Variants in FER observed in about 807,000 individuals in gnomAD.
The protein encoded by FER is FER tyrosine kinase, also known as tyrosine-protein kinase Fer.
FER carries 63 observed loss-of-function variants against 111.0 expected under a neutral mutation model. The observed-to-expected ratio is 0.57, with a 90% CI of 0.46 to 0.70. The LOEUF is 0.70. FER is among the 30% of genes least tolerant of loss of function. FER has a pLI of 0.00. For missense variants in FER, 914 were observed against 954.0 expected, an observed-to-expected ratio of 0.96 and a Z score of 0.55; for synonymous variants, 327 against 313.9, an observed-to-expected ratio of 1.04 and a Z score of -0.44.
intron 17 of FER, among the ~76,000 whole-genome samples, chr5:109,158,290 G>A (rs563716323): frequency 7.9e-5 from 12 of 152,158 alleles, no homozygotes; most frequent in East Asian, 1.9e-4. Context: ...GTCAGAAGTC[G>A]GGGTCGGGGC....
chr5:109,176,602 T>C (rs1757717575), intron 17 of FER, among the ~76,000 whole-genome samples: 1 of 152,178 alleles, frequency 6.6e-6, no homozygotes, highest in African/African-American at 2.4e-5. Context: ...TATTCTATAT[T>C]CTCAAGAAGG....
intron 10 of FER, among the ~76,000 whole-genome samples, chr5:108,919,416 G>A (rs1473987883): frequency 6.6e-6 from 1 of 151,858 alleles, no homozygotes; most frequent in African/African-American, 2.4e-5. Flanking sequence ...AGTTTATTTA[G>A]TAGCTATTAA....
chr5:109,153,563 G>T (rs538692140), intron 17 of FER, among the ~76,000 whole-genome samples: 1 of 151,814 alleles, frequency 6.6e-6, no homozygotes, highest in Admixed American at 6.6e-5. Context: ...GGAAGAGTGA[G>T]CACCAGAATC....
At chr5:109,121,898 A>G (rs1003208993) in intron 17 of FER, among the ~76,000 whole-genome samples, 6 of 152,162 alleles carry the variant, frequency 3.9e-5, no homozygotes, top group African/African-American at 1.4e-4. Flanking sequence ...TCCTCATAGT[A>G]GCCGCTAATG....
intron 13 of FER, among the ~76,000 whole-genome samples, chr5:108,997,964 C>G (rs1225397891): frequency 6.6e-6 from 1 of 151,982 alleles, no homozygotes; most frequent in Non-Finnish European, 1.5e-5. Flanking sequence ...CAAGCTTCAG[C>G]AATGGTGGAC....
intron 5 of FER, among the ~76,000 whole-genome samples, chr5:108,866,495 T>C (rs1323383754): frequency 6.6e-6 from 1 of 151,860 alleles, no homozygotes; most frequent in Admixed American, 6.6e-5. Flanking sequence ...AAATGACAAG[T>C]TAATGGGTGC....
At chr5:108,840,370 C>T (rs945307057) in intron 5 of FER, among the ~76,000 whole-genome samples, 1 of 152,084 alleles carries the variant, frequency 6.6e-6, no homozygotes, top group Admixed American at 6.6e-5. Context: ...TACTTTTGCA[C>T]CAATCTAATA....
intron 13 of FER, among the ~76,000 whole-genome samples, chr5:108,985,558 C>G (rs1435512154): frequency 1.3e-5 from 2 of 152,020 alleles, no homozygotes; most frequent in Non-Finnish European, 2.9e-5. Flanking sequence ...ATACGCTGTA[C>G]CCAGTGTGTA....
chr5:108,926,828 C>G (rs772842717), intron 10 of FER, among the ~76,000 whole-genome samples: 2 of 151,916 alleles, frequency 1.3e-5, no homozygotes, highest in Non-Finnish European at 2.9e-5. Flanking sequence ...TTCTTGACAT[C>G]TTTTGTTTTT....
intron 10 of FER, among the ~76,000 whole-genome samples, chr5:108,943,403 C>G (rs1027869483): frequency 2.0e-5 from 3 of 152,096 alleles, no homozygotes; most frequent in African/African-American, 4.8e-5. Context: ...GAACCTTATT[C>G]CTTTGCCTTA....
chr5:109,045,328 A>T (rs1288875584), intron 15 of FER, among the ~76,000 whole-genome samples: 1 of 121,414 alleles, frequency 8.2e-6, no homozygotes, highest in Non-Finnish European at 1.8e-5. Flanking sequence ...ACCTTTTTAT[A>T]GCTATCCTTG....
chr5:108,768,569 C>G (rs1313949700), intron 2 of FER, among the ~76,000 whole-genome samples: 1 of 152,200 alleles, frequency 6.6e-6, no homozygotes, highest in East Asian at 1.9e-4. Flanking sequence ...TTTTTCTTCT[C>G]AAATACTTGC....
chr5:108,992,989 G>A (rs1237156224), intron 13 of FER, among the ~76,000 whole-genome samples: 5 of 151,224 alleles, frequency 3.3e-5, no homozygotes, highest in African/African-American at 1.2e-4. Context: ...ATGGCGGCCG[G>A]GAAGAGGCGC....
In FER at chr5:108,872,083, G is replaced by A; in HGVS notation, c.804-10G>A. 6.2e-7 allele frequency: 1 copy of A among 1,608,044 alleles called. No homozygotes were observed. The highest frequency in any genetic ancestry group is 2.2e-5 in the East Asian group (1 of 44,482). On this transcript the variant is annotated splice_polypyrimidine_tract_variant and intron_variant, in intron 7 of 19. Coordinates refer to ENST00000281092, the MANE Select transcript of FER (RefSeq NM_005246.4). ...TACAATGATCAAAATTATTTGCCAT[G>A]CTTTACTAGAACAACGGCTGCTAAA...
chr5:109,124,028 T>C (rs1469232886), intron 17 of FER, among the ~76,000 whole-genome samples: 2 of 151,868 alleles, frequency 1.3e-5, no homozygotes, highest in Non-Finnish European at 2.9e-5. Context: ...AGTTTGAGTC[T>C]AACCTGAGCA....
chr5:109,171,224 G>A (rs1018839159), intron 17 of FER, among the ~76,000 whole-genome samples: 11 of 152,046 alleles, frequency 7.2e-5, no homozygotes, highest in African/African-American at 2.7e-4. Flanking sequence ...AAAATTGTTC[G>A]ACATCATTCA....
intron 17 of FER, among the ~76,000 whole-genome samples, chr5:109,130,859 A>G (rs1356720584): frequency 6.6e-6 from 1 of 152,158 alleles, no homozygotes; most frequent in Non-Finnish European, 1.5e-5. Flanking sequence ...CCAGTGCCTA[A>G]TACAGTGCCT....
intron 3 of FER, among the ~76,000 whole-genome samples, chr5:108,816,030 G>C (rs540397796): frequency 6.6e-6 from 1 of 151,936 alleles, no homozygotes; most frequent in African/African-American, 2.4e-5. Context: ...AACATAGCAA[G>C]ACCCTGTCTT....
At chr5:109,065,411 A>G (rs1366686119) in intron 16 of FER, among the ~76,000 whole-genome samples, 2 of 152,232 alleles carry the variant, frequency 1.3e-5, no homozygotes, top group Non-Finnish European at 2.9e-5. Context: ...GGTCAGCATT[A>G]GCCAAAGATA....
Sources: allele counts gnomAD v4.1 joint callset (sites outside exome capture counted in the v4.1 genomes callset), GRCh38; gene constraint gnomAD v4.1.1; transcripts MANE v1.5; gene names NCBI Gene and HGNC (gene_info 2026-07-23, HGNC 2026-07-21).